PKD2: variants seen among roughly 807,000 people sequenced by gnomAD.
PKD2 encodes the protein polycystin 2, transient receptor potential cation channel, also known as polycystin-2.
Under a neutral mutation model 105.9 loss-of-function variants are expected in PKD2, and 48 were observed. That is an observed-to-expected ratio of 0.45 (90% CI 0.36 to 0.58). The LOEUF is 0.58. Ranked by LOEUF, PKD2 falls within the 20% of genes least tolerant of loss-of-function variation. The pLI, the probability that PKD2 is intolerant of heterozygous loss-of-function variation, is 0.00. For missense variants in PKD2, 1,078 were observed against 1,255.3 expected (o/e 0.86, Z 2.13); for synonymous variants, 464 against 481.1 (o/e 0.96, Z 0.46).
chr4:88,040,270 C>T (rs1010539914), intron 4 of PKD2, among the ~76,000 whole-genome samples: 3 of 152,232 alleles, frequency 2.0e-5, no homozygotes, highest in South Asian at 2.1e-4. Context: ...TTAATTGCGT[C>T]GTTAGGGTGG....
At chr4:88,059,745 GTACATACATACATACATACATACA>G (rs35787437) in intron 9 of PKD2, among the ~76,000 whole-genome samples, 2 of 150,108 alleles carry the variant, frequency 1.3e-5, no homozygotes, top group African/African-American at 4.9e-5. Flanking sequence ...ACATACATAC[GTACATACATACATACATACATACA>G]TACATACATA....
At chr4:88,053,343 T>C (rs908241677) in intron 7 of PKD2, among the ~76,000 whole-genome samples, 1 of 152,152 alleles carries the variant, frequency 6.6e-6, no homozygotes, top group Non-Finnish European at 1.5e-5. Context: ...TATTCATACC[T>C]AGAAGACCTG....
chr4:88,044,520 T>G (rs917510670), intron 5 of PKD2, among the ~76,000 whole-genome samples: 28 of 152,212 alleles, frequency 1.8e-4, no homozygotes, highest in Non-Finnish European at 1.3e-4. Context: ...AATTATAGAT[T>G]ATCCCTTATC....
At chr4:88,063,298 A>G (rs1720650636) in intron 10 of PKD2, among the ~76,000 whole-genome samples, 1 of 152,238 alleles carries the variant, frequency 6.6e-6, no homozygotes, top group Non-Finnish European at 1.5e-5. Context: ...TTGGGAGGCC[A>G]AGGCGGATGG....
chr4:88,033,694 T>C (rs1560605798), intron 2 of PKD2, among the ~76,000 whole-genome samples: 4 of 152,182 alleles, frequency 2.6e-5, no homozygotes, highest in Admixed American at 2.6e-4. Context: ...ATATAAATAA[T>C]TTATCAAAAT....
chr4:88,049,647 T>C (rs1055434957), intron 6 of PKD2, among the ~76,000 whole-genome samples: 1 of 152,198 alleles, frequency 6.6e-6, no homozygotes, highest in African/African-American at 2.4e-5. Context: ...CACCCTGTGC[T>C]CCACTGGACC....
chr4:88,038,514 G>T lies in PKD2; in HGVS notation c.1094+13G>T. ...GAAATGGAACCGCGTAAGTGTCTGT[G>T]ACTCATTGCCACTCGGTGATATTCA... On this transcript the variant is annotated intron_variant, in intron 4 of 14. Coordinates refer to ENST00000237596, the MANE Select transcript of PKD2 (RefSeq NM_000297.4). 6.2e-7 allele frequency: 1 copy of T among 1,613,274 alleles called. No individual in the cohort carries two copies. The highest frequency in any genetic ancestry group is 1.1e-5 in the South Asian group (1 of 91,008).
chr4:88,026,592 G>A (rs1726964972), intron 2 of PKD2, among the ~76,000 whole-genome samples: 2 of 152,258 alleles, frequency 1.3e-5, no homozygotes, highest in African/African-American at 4.8e-5. Flanking sequence ...TTTCTGGGGA[G>A]AAATTCAAGC....
intron 2 of PKD2, among the ~76,000 whole-genome samples, chr4:88,027,958 C>G (rs930574425): frequency 2.7e-4 from 41 of 152,208 alleles, no homozygotes; most frequent in Non-Finnish European, 1.5e-5. Context: ...TCAATTAAAC[C>G]TCTTCCTGCC....
Position 88,075,516 on chromosome 4 carries a change from G to C in PKD2, c.2729G>C (p.Arg910Pro), listed in dbSNP as rs144590958. ...IHREQMERLV[R>P]EELERWESDD... ...AGGGAACAGATGGAACGGCTAGTACGTGAAGAGTTGGAACGCTGGGAATCC... is the reference window on the plus strand; with the variant it reads ...AGGGAACAGATGGAACGGCTAGTACCTGAAGAGTTGGAACGCTGGGAATCC... The change falls in exon 15 of 15, where the codon CGT becomes CCT. Residue 910 changes from arginine (R) to proline (P), a missense_variant. Arg to Pro is a moderately radical substitution (Grantham distance 103, BLOSUM62 -2). Around this residue, in one of 2 missense-constraint regions of PKD2, gnomAD observed 868 missense variants for 1,067.3 expected, o/e 0.81. Coordinates refer to ENST00000237596, the MANE Select transcript of PKD2 (RefSeq NM_000297.4). 78 of 1,614,040 alleles carry C rather than the reference G, an allele frequency of 4.8e-5. No homozygotes were observed. The African/African-American group carries it at 9.7e-4, about 20-fold the overall frequency.
In PKD2 at chr4:88,007,745, C is replaced by T. The variant is rs1391499589; in HGVS notation, c.12C>T (p.Ser4=). 1.7e-6 allele frequency: 2 copies of T among 1,206,636 alleles called. No homozygotes were observed. The highest frequency in any genetic ancestry group is 2.1e-6 in the Non-Finnish European group (2 of 959,574). The allele number at this position is 1,206,636 out of a possible 1,614,324, so 74.7% of individuals were successfully genotyped here. Residue 4 remains serine, a synonymous_variant, in exon 1 of 15, where the codon TCC becomes TCT. Coordinates refer to ENST00000237596, the MANE Select transcript of PKD2 (RefSeq NM_000297.4). MVN[S]SRVQPQQPGD... Reference sequence around the variant, plus strand: ...CGCCAGTGACCGCGATGGTGAACTCCAGTCGCGTGCAGCCTCAGCAGCCCG... The same window carrying T: ...CGCCAGTGACCGCGATGGTGAACTCTAGTCGCGTGCAGCCTCAGCAGCCCG...
chr4:88,014,481 G>A (rs1000874883), intron 1 of PKD2, among the ~76,000 whole-genome samples: 12 of 68,608 alleles, frequency 1.7e-4, no homozygotes, highest in Non-Finnish European at 2.7e-4. Flanking sequence ...GCAAGACACT[G>A]TCTCTAAAAA....
At chr4:88,043,487 T>A in intron 5 of PKD2, 30 bp downstream of exon 5, 1 of 1,460,318 alleles carries the variant, frequency 6.8e-7, no homozygotes, top group South Asian at 1.1e-5. Flanking sequence ...ATCCCTCCTA[T>A]TTCTGTGTGG....
chr4:88,045,847 G>T (rs1302518356), intron 5 of PKD2, among the ~76,000 whole-genome samples: 1 of 152,134 alleles, frequency 6.6e-6, no homozygotes, highest in Non-Finnish European at 1.5e-5. Context: ...TGCTATTTAG[G>T]TGTTACATAA....
intron 13 of PKD2, among the ~76,000 whole-genome samples, chr4:88,070,028 G>A (rs1017419632): frequency 6.6e-6 from 1 of 152,142 alleles, no homozygotes; most frequent in Non-Finnish European, 1.5e-5. Flanking sequence ...TTTTCATGTG[G>A]ATTCTGATTA....
At chr4:88,018,584 A>C (rs2728113) in intron 1 of PKD2, among the ~76,000 whole-genome samples, 1 of 152,236 alleles carries the variant, frequency 6.6e-6, no homozygotes. Flanking sequence ...GTAACCAGCA[A>C]TGTGACTTTA....
In PKD2 at chr4:88,023,815, G is replaced by A. The variant is rs555966842; in HGVS notation, c.709+4244G>A. 9.2e-5 allele frequency among the ~76,000 whole-genome samples: 14 copies of A among 152,294 alleles called. No individual in the cohort carries two copies. The East Asian group carries it at 2.3e-3, about 25-fold the overall frequency. ...TGTTGAGAATGGCAGAATTATCTCA[G>A]TTCTAAGAGCTATAGTTTCTAATTA... is the stretch of plus-strand genomic sequence containing the variant. On this transcript the variant is annotated intron_variant, in intron 2 of 14. Transcript: ENST00000237596.
chr4:88,074,776 A>G (rs200733340), intron 13 of PKD2, 36 bp from the exon 14 acceptor site: 1 of 1,612,910 alleles, frequency 6.2e-7, no homozygotes, highest in Admixed American at 1.7e-5. Flanking sequence ...GACAATGACA[A>G]GCACTTTGTC....
intron 4 of PKD2, 61 bp downstream of exon 4, chr4:88,038,562 A>G: frequency 6.5e-7 from 1 of 1,544,460 alleles, no homozygotes. Flanking sequence ...CTGAACTCCC[A>G]CCATTCATTC....
Sources: allele counts gnomAD v4.1 joint callset (sites outside exome capture counted in the v4.1 genomes callset), GRCh38; gene constraint gnomAD v4.1.1; regional missense constraint gnomAD v4.1.1; transcripts MANE v1.5; gene names NCBI Gene and HGNC (gene_info 2026-07-23, HGNC 2026-07-21).